GGCX: variants seen among roughly 807,000 people sequenced by gnomAD.
The protein encoded by GGCX is vitamin K-dependent gamma-carboxylase.
In GGCX, 63 loss-of-function variants were observed where a neutral mutation model predicts 88.5. That is an observed-to-expected ratio of 0.71 (90% CI 0.58 to 0.88). The LOEUF (loss-of-function observed/expected upper bound fraction) is 0.88, where lower values mean the gene tolerates loss of function less well. Ranked by LOEUF, GGCX falls within the 40% of genes least tolerant of loss-of-function variation. The pLI is 0.00. For synonymous variants in GGCX, 368 were observed against 365.8 expected, an observed-to-expected ratio of 1.01 and a Z score of -0.07; for missense variants, 805 against 932.9, an observed-to-expected ratio of 0.86 and a Z score of 1.79.
chr2:85,554,345 G>A (rs2103970317), intron 6 of GGCX, 39 bp from the exon 7 acceptor site: 1 of 1,598,200 alleles, frequency 6.3e-7, no homozygotes, highest in African/African-American at 1.3e-5. Flanking sequence ...CCAGCCCACT[G>A]GAGAACACAT....
chr2:85,551,790 C>T (rs1185203777), intron 11 of GGCX, 22 bp downstream of exon 11: 2 of 1,608,682 alleles, frequency 1.2e-6, no homozygotes, highest in African/African-American at 2.7e-5. Flanking sequence ...ACAGAAAAGC[C>T]TCTCCTCACT....
intron 5 of GGCX, among the ~76,000 whole-genome samples, chr2:85,555,815 C>T (rs1197921474): frequency 6.6e-6 from 1 of 152,082 alleles, no homozygotes; most frequent in Admixed American, 6.5e-5. Context: ...GAAGAATAGA[C>T]CCCATCTTCT....
intron 14 of GGCX, 93 bp from the exon 15 acceptor site, chr2:85,550,219 C>T: frequency 1.1e-6 from 1 of 886,050 alleles, no homozygotes; most frequent in Non-Finnish European, 1.9e-6. Flanking sequence ...GTCCTCACTC[C>T]TCCCACACAG....
In GGCX at chr2:85,548,824, AAATT is replaced by A. The variant is rs1005789723; in HGVS notation, c.*1106_*1109del. ...TCTAAGCATTCCCTAATCCCTTACT[AAATT>A]TAGTTAATTCTTACTTTACCTCCCC... On this transcript the variant is annotated 3_prime_UTR_variant, in exon 15 of 15. Coordinates refer to ENST00000233838, the MANE Select transcript of GGCX (RefSeq NM_000821.7). 2 of 152,188 alleles carry A rather than the reference AAATT, an allele frequency of 1.3e-5. No individual in the cohort carries two copies. Among genetic ancestry groups the A allele is most frequent in the Non-Finnish European group, 2.9e-5 (2 of 68,034 alleles). The allele number at this position is 152,188 out of a possible 1,614,324, so 9.4% of individuals were successfully genotyped here.
At position 85,548,839 on chromosome 2, in the gene GGCX, T is replaced by C. The variant is rs556022666; in HGVS notation, c.*1095A>G. ...ATCCCTTACTAAATTTAGTTAATTC[T>C]TACTTTACCTCCCCTTCTGCTCACC... is the stretch of plus-strand genomic sequence containing the variant. On this transcript the variant is annotated 3_prime_UTR_variant, in exon 15 of 15. Coordinates refer to ENST00000233838, the MANE Select transcript of GGCX (RefSeq NM_000821.7). The C allele has an allele frequency of 1.1e-3, 166 of 152,332 alleles. No individual in the cohort carries two copies. The highest frequency in any genetic ancestry group is 3.7e-3 in the African/African-American group (152 of 41,586). The allele number at this position is 152,332 out of a possible 1,614,324, so 9.4% of individuals were successfully genotyped here.
chr2:85,552,424 G>A lies in GGCX; in HGVS notation c.1431C>T (p.Phe477=), dbSNP rs1692002119. 1 of 1,613,966 alleles carries A rather than the reference G, an allele frequency of 6.2e-7. No homozygotes were observed. Among genetic ancestry groups the A allele is most frequent in the Non-Finnish European group, 8.5e-7 (1 of 1,179,842 alleles). ...CTGCTCCCCTTGCCCACCTCTGCTGGAAGCGGTCATTGATGGAGACCCAAA... is the reference window on the plus strand; with the variant it reads ...CTGCTCCCCTTGCCCACCTCTGCTGAAAGCGGTCATTGATGGAGACCCAAA... The part of the protein sequence containing the change: ...FDIWVSINDR[F]QQRIFDPRVD... The change falls in exon 10 of 15, where the codon TTC becomes TTT. Residue 477 remains phenylalanine, a synonymous_variant. Coordinates refer to ENST00000233838, the MANE Select transcript of GGCX (RefSeq NM_000821.7).
chr2:85,549,736 C>T lies in GGCX; in HGVS notation c.*198G>A. On this transcript the variant is annotated 3_prime_UTR_variant, in exon 15 of 15. Transcript: ENST00000233838. ...TCTAACCTCTTCCTGGCCTCTTAAT[C>T]TTGGGTTGTTAAATCTTATTTGCTT... 3.4e-6 allele frequency: 2 copies of T among 590,312 alleles called. No individual in the cohort carries two copies. Among genetic ancestry groups the T allele is most frequent in the Non-Finnish European group, 6.0e-6 (2 of 334,824 alleles). 36.6% of individuals were successfully genotyped at this position (590,312 alleles called of 1,614,324 possible).
chr2:85,550,103 A>G lies in GGCX; in HGVS notation c.2108T>C (p.Leu703Pro), dbSNP rs778257325. 1 of 1,613,736 alleles carries G rather than the reference A, an allele frequency of 6.2e-7. No homozygotes were observed. The highest frequency in any genetic ancestry group is 2.2e-5 in the East Asian group (1 of 44,870). ...RRSFLMTCISLRNLILGRPSL... is the reference protein window; with the variant it reads ...RRSFLMTCISPRNLILGRPSL... The stretch of plus-strand genomic sequence containing the variant: ...AGGACGGCCTAATATCAGATTTCGA[A>G]GTGAGATACAAGTCATCAGGAAGCT... Residue 703 changes from leucine to proline, a missense_variant, in exon 15 of 15, where the codon CTT becomes CCT. Transcript: ENST00000233838.
chr2:85,550,775 G>A, intron 13 of GGCX, 25 bp from the exon 14 acceptor site: 1 of 1,606,878 alleles, frequency 6.2e-7, no homozygotes, highest in South Asian at 1.1e-5. Context: ...GAAAAAAGAG[G>A]AATCACTGAG....
chr2:85,555,446 C>T (rs1272673470), intron 6 of GGCX, 38 bp downstream of exon 6: 3 of 1,010,812 alleles, frequency 3.0e-6, no homozygotes, highest in Admixed American at 1.7e-5. Context: ...GCTCTGTACC[C>T]ATGCCTCAAA....
At position 85,549,494 on chromosome 2, in the gene GGCX, T is replaced by G; in HGVS notation, c.*440A>C. ...CTCATGCCTCAGCCTCCTGGGTAGT[T>G]GGATTACAGGCACCCACCACCACGT... On this transcript the variant is annotated 3_prime_UTR_variant, in exon 15 of 15. Transcript: ENST00000233838. The G allele has an allele frequency of 4.9e-6, 1 of 203,890 alleles. No individual in the cohort carries two copies. Among genetic ancestry groups the G allele is most frequent in the African/African-American group, 2.4e-5 (1 of 42,108 alleles). 12.6% of individuals were successfully genotyped at this position (203,890 alleles called of 1,614,324 possible). A position where few individuals can be genotyped will look rare whatever the true frequency, so the allele number is the denominator to read the frequency against.
At chr2:85,553,119 C>A (rs764894124) in intron 8 of GGCX, 49 bp from the exon 9 acceptor site, 30 of 1,613,630 alleles carry the variant, frequency 1.9e-5, no homozygotes, top group Non-Finnish European at 1.9e-5. Context: ...CTCACACTGA[C>A]CCCATCCCCT....
Position 85,547,243 on chromosome 2 carries a change from G to A in GGCX, c.*2691C>T, listed in dbSNP as rs1214199806. On this transcript the variant is annotated 3_prime_UTR_variant, in exon 15 of 15. Transcript: ENST00000233838. ...TAACCTGCCTTTCTAAAGTTTCAAAGGGGATGGATACCCATCAGGGGCAAA... is the reference window on the plus strand; with the variant it reads ...TAACCTGCCTTTCTAAAGTTTCAAAAGGGATGGATACCCATCAGGGGCAAA... 6.6e-6 allele frequency: 1 copy of A among 152,176 alleles called. No individual in the cohort carries two copies. Among genetic ancestry groups the A allele is most frequent in the Non-Finnish European group, 1.5e-5 (1 of 68,024 alleles). 9.4% of individuals were successfully genotyped at this position (152,176 alleles called of 1,614,324 possible).
chr2:85,560,847 G>A lies in GGCX; in HGVS notation c.182C>T (p.Pro61Leu). The change falls in exon 2 of 15, where the codon CCT (proline) becomes CTT (leucine). Residue 61 changes from proline to leucine, a missense_variant. Coordinates refer to ENST00000233838, the MANE Select transcript of GGCX (RefSeq NM_000821.7). ...LVTLLNRPTD[P>L]ASLAVFRFLF... ...AAAACGAAAGACAGCTAAGCTTGCAGGGTCCGTTGGTCGATTCAGCAGGGT... is the reference window on the plus strand; with the variant it reads ...AAAACGAAAGACAGCTAAGCTTGCAAGGTCCGTTGGTCGATTCAGCAGGGT... The A allele has an allele frequency of 2.5e-6, 4 of 1,614,094 alleles. No homozygotes were observed. Among genetic ancestry groups the A allele is most frequent in the Non-Finnish European group, 3.4e-6 (4 of 1,179,966 alleles).
chr2:85,553,160 T>G, intron 8 of GGCX, 72 bp downstream of exon 8: 1 of 1,611,458 alleles, frequency 6.2e-7, no homozygotes. Context: ...CCAGCCCCAT[T>G]CTTTCCCAAC....
rs1268457565 is a variant in GGCX at position 85,548,033 on chromosome 2, C to A, written c.*1901G>T. ...GCCAATGTGGGAAACCATGTCTCTA[C>A]TAAAAATACAAAAATTAGTTGGGCG... On this transcript the variant is annotated 3_prime_UTR_variant, in exon 15 of 15. Coordinates refer to ENST00000233838, the MANE Select transcript of GGCX (RefSeq NM_000821.7). 6.6e-6 allele frequency: 1 copy of A among 152,120 alleles called. No homozygotes were observed. The highest frequency in any genetic ancestry group is 1.5e-5 in the Non-Finnish European group (1 of 68,046). 9.4% of individuals were successfully genotyped at this position (152,120 alleles called of 1,614,324 possible). A position where few individuals can be genotyped will look rare whatever the true frequency, so the allele number is the denominator to read the frequency against.
chr2:85,557,296 A>C (rs935317413), intron 4 of GGCX, among the ~76,000 whole-genome samples: 2 of 152,346 alleles, frequency 1.3e-5, no homozygotes, highest in Admixed American at 1.3e-4. Context: ...GACTAGCCTG[A>C]GCAACATAGT....
chr2:85,555,366 C>A, intron 6 of GGCX, 118 bp downstream of exon 6: 1 of 690,750 alleles, frequency 1.4e-6, no homozygotes, highest in Non-Finnish European at 2.7e-6. Flanking sequence ...AATGAGTGGA[C>A]AAAGGAAGGC....
At chr2:85,558,750 T>A in intron 3 of GGCX, 145 bp from the exon 4 acceptor site, 1 of 879,608 alleles carries the variant, frequency 1.1e-6, no homozygotes. Context: ...ATTTTAATAT[T>A]TTAAAAAGAA....
Sources: allele counts gnomAD v4.1 joint callset (sites outside exome capture counted in the v4.1 genomes callset), GRCh38; gene constraint gnomAD v4.1.1; transcripts MANE v1.5; gene names NCBI Gene and HGNC (gene_info 2026-07-23, HGNC 2026-07-21).